The following ZC3H7B variants were observed in gnomAD, a reference collection of about 807,000 sequenced individuals.
ZC3H7B encodes the protein zinc finger CCCH-type containing 7B, also known as zinc finger CCCH domain-containing protein 7B.
A neutral mutation model predicts 116.0 loss-of-function variants in ZC3H7B; 35 were observed. That is an observed-to-expected ratio of 0.30 (90% CI 0.23 to 0.40). The LOEUF is 0.40. ZC3H7B is among the 10% of genes least tolerant of loss of function. The pLI is 1.00. For missense variants in ZC3H7B, 1,011 were observed against 1,321.5 expected (o/e 0.77, Z 3.64); for synonymous variants, 502 against 545.6 (o/e 0.92, Z 1.11).
Position 41,348,114 on chromosome 22 carries a change from C to G in ZC3H7B, c.1713C>G (p.Asp571Glu), listed in dbSNP as rs1239271565. ...KPRIISKGTK[D>E]SPSVCSNLAA... ...GGATCATCAGCAAAGGCACCAAGGA[C>G]TCTCCGTCTGTCTGCTCCAACCTGG... is the stretch of plus-strand genomic sequence containing the variant. The change falls in exon 15 of 23, where the codon GAC becomes GAG. Residue 571 changes from aspartate (D) to glutamate (E), a missense_variant. Coordinates refer to ENST00000352645, the MANE Select transcript of ZC3H7B (RefSeq NM_017590.6). 1 of 1,614,052 alleles carries G rather than the reference C, an allele frequency of 6.2e-7. No homozygotes were observed. The highest frequency in any genetic ancestry group is 8.5e-7 in the Non-Finnish European group (1 of 1,179,978).
At chr22:41,341,355 T>C (rs1339933698) in intron 11 of ZC3H7B, among the ~76,000 whole-genome samples, 2 of 152,176 alleles carry the variant, frequency 1.3e-5, no homozygotes, top group Non-Finnish European at 1.5e-5. Context: ...CCACTGCCCT[T>C]GTCTGATGGA....
chr22:41,321,476 A>T (rs984318309), intron 2 of ZC3H7B, among the ~76,000 whole-genome samples: 1 of 151,796 alleles, frequency 6.6e-6, no homozygotes, highest in Non-Finnish European at 1.5e-5. Context: ...CGGCCTCCCA[A>T]AGTGCTGGGA....
intron 17 of ZC3H7B, among the ~76,000 whole-genome samples, chr22:41,354,410 C>T (rs1286505188): frequency 6.6e-6 from 1 of 152,188 alleles, no homozygotes; most frequent in Non-Finnish European, 1.5e-5. Context: ...TTGTCCAGCA[C>T]CAGGCCAGGG....
Position 41,332,155 on chromosome 22 carries a change from C to G in ZC3H7B, c.526-16C>G. On this transcript the variant is annotated splice_polypyrimidine_tract_variant and intron_variant, in intron 6 of 22. Transcript: ENST00000352645. ...AGAATCTTTACCTCTGCCCACCTCT[C>G]TCCAATCTCTGGCAGGAATTGGAAA... The G allele has an allele frequency of 6.2e-7, 1 of 1,614,062 alleles. No homozygotes were observed. Among genetic ancestry groups the G allele is most frequent in the Non-Finnish European group, 8.5e-7 (1 of 1,179,942 alleles).
In ZC3H7B at chr22:41,356,765, T is replaced by A. The variant is rs1264951064; in HGVS notation, c.2638T>A (p.Trp880Arg). The change falls in exon 22 of 23, where the codon TGG becomes AGG. Residue 880 changes from tryptophan to arginine, a missense_variant. By Grantham distance (101) the Trp-to-Arg change is moderately radical. This residue lies in a region of ZC3H7B where 406 missense variants were observed against 590.2 expected (regional missense o/e 0.69). Coordinates refer to ENST00000352645, the MANE Select transcript of ZC3H7B (RefSeq NM_017590.6). ...VFTSDSDASG[W>R]AFRFPMGEFR... ...CACGTCCGACAGTGACGCCAGCGGC[T>A]GGGCCTTCCGCTTCCCCATGGGCGA... The A allele has an allele frequency of 6.2e-7, 1 of 1,613,484 alleles. No homozygotes were observed. The highest frequency in any genetic ancestry group is 1.3e-5 in the African/African-American group (1 of 74,946).
Position 41,351,738 on chromosome 22 carries a change from G to A in ZC3H7B, c.2034+92G>A. The A allele has an allele frequency of 7.9e-7, 1 of 1,258,774 alleles. No homozygotes were observed. The highest frequency in any genetic ancestry group is 1.1e-6 in the Non-Finnish European group (1 of 894,922). 78.0% of individuals were successfully genotyped at this position (1,258,774 alleles called of 1,614,324 possible). ...GGCTCTAATTTTACAATAGAGAAAT[G>A]TTTACAATGGAGGCACCTCGAATAA... is the stretch of plus-strand genomic sequence containing the variant. On this transcript the variant is annotated intron_variant, in intron 17 of 22. Coordinates refer to ENST00000352645, the MANE Select transcript of ZC3H7B (RefSeq NM_017590.6). This position sits in a 1 kb window ranked among gnomAD's most constrained non-coding sequence, Gnocchi z 5.1.
intron 11 of ZC3H7B, among the ~76,000 whole-genome samples, chr22:41,341,855 A>C (rs986707203): frequency 6.6e-5 from 10 of 152,118 alleles, no homozygotes; most frequent in African/African-American, 2.4e-4. Flanking sequence ...CAAGGTCAGG[A>C]GTTCGAGACC....
chr22:41,302,504 C>T lies in ZC3H7B; in HGVS notation c.-7+732C>T, dbSNP rs1384386554. On this transcript the variant is annotated intron_variant, in intron 1 of 22. Transcript: ENST00000352645. This position sits in a 1 kb window ranked among gnomAD's most constrained non-coding sequence, Gnocchi z 5.7. ...AGGGAGTGCTAGGGGGCTGCGGACCCCGGCTCTGGCGCCTGGGGACGGGGG... is the reference window on the plus strand; with the variant it reads ...AGGGAGTGCTAGGGGGCTGCGGACCTCGGCTCTGGCGCCTGGGGACGGGGG... Among the ~76,000 whole-genome samples the T allele has an allele frequency of 1.3e-5, 2 of 152,080 alleles. No homozygotes were observed. The highest frequency in any genetic ancestry group is 2.4e-5 in the African/African-American group (1 of 41,422).
intron 7 of ZC3H7B, among the ~76,000 whole-genome samples, chr22:41,337,618 T>C (rs1456844572): frequency 6.6e-6 from 1 of 152,114 alleles, no homozygotes; most frequent in Non-Finnish European, 1.5e-5. Context: ...AGGGGGCACT[T>C]TTGTCTTTGA....
In ZC3H7B at chr22:41,342,631, A is replaced by G. The variant is rs1231082561; in HGVS notation, c.1297+3A>G. The G allele has an allele frequency of 6.2e-7, 1 of 1,610,576 alleles. No individual in the cohort carries two copies. The highest frequency in any genetic ancestry group is 8.5e-7 in the Non-Finnish European group (1 of 1,179,128). On this transcript the variant is annotated splice_donor_region_variant and intron_variant, in intron 12 of 22. Transcript: ENST00000352645. ...CCAGCTCTGCTACCCCAAGACAGGT[A>G]AACTTTCACCTGTAGACTCCACCCC...
intron 12 of ZC3H7B, 137 bp from the exon 13 acceptor site, chr22:41,343,278 G>A (rs1447943511): frequency 6.2e-6 from 7 of 1,135,106 alleles, no homozygotes; most frequent in Middle Eastern, 4.9e-4. Flanking sequence ...AGGGTGTGGT[G>A]GGAGCTGGCA....
chr22:41,321,826 A>ATTGTT (rs1601771237), intron 2 of ZC3H7B, among the ~76,000 whole-genome samples: 1 of 76,872 alleles, frequency 1.3e-5, no homozygotes, highest in African/African-American at 6.0e-5. Context: ...CAAAACTCAC[A>ATTGTT]TTCTTTTTTT....
intron 17 of ZC3H7B, 50 bp from the exon 18 acceptor site, chr22:41,355,419 C>T: frequency 6.2e-7 from 1 of 1,606,748 alleles, no homozygotes; most frequent in African/African-American, 1.3e-5. Flanking sequence ...TCCAGGGCCT[C>T]AGGCCTGGTG....
intron 1 of ZC3H7B, among the ~76,000 whole-genome samples, chr22:41,308,481 T>A (rs1398685450): frequency 6.6e-6 from 1 of 152,194 alleles, no homozygotes; most frequent in Non-Finnish European, 1.5e-5. Flanking sequence ...CTGTCGAATC[T>A]GCATCAGGGG....
chr22:41,337,533 C>T (rs1020458569), intron 7 of ZC3H7B, among the ~76,000 whole-genome samples: 2 of 152,188 alleles, frequency 1.3e-5, no homozygotes, highest in Non-Finnish European at 2.9e-5. Context: ...TGGGATCCCA[C>T]CTGGGTTTAT....
rs899452253 is a variant in ZC3H7B at position 41,346,278 on chromosome 22, C to T, written c.1665+70C>T. 3.0e-5 allele frequency: 47 copies of T among 1,542,962 alleles called. No homozygotes were observed. The highest frequency in any genetic ancestry group is 5.4e-5 in the Admixed American group (3 of 55,920). On this transcript the variant is annotated intron_variant, in intron 14 of 22. Transcript: ENST00000352645. The surrounding 1 kb of genome is among the most constrained non-coding windows in gnomAD (Gnocchi z 5.3). Reference sequence around the variant, plus strand: ...ACAGGGCTGGGGATGCTCCCTGGCACGGACCACCATAGGAAGTCAGCCCTG... The same window carrying T: ...ACAGGGCTGGGGATGCTCCCTGGCATGGACCACCATAGGAAGTCAGCCCTG...
At chr22:41,352,482 C>T (rs2036664857) in intron 17 of ZC3H7B, among the ~76,000 whole-genome samples, 1 of 152,114 alleles carries the variant, frequency 6.6e-6, no homozygotes, top group African/African-American at 2.4e-5. Context: ...CTTCAGAGGC[C>T]CGGCGCAGTG....
chr22:41,337,471 G>A (rs1218371866), intron 7 of ZC3H7B, among the ~76,000 whole-genome samples: 4 of 152,246 alleles, frequency 2.6e-5, no homozygotes, highest in African/African-American at 4.8e-5. Flanking sequence ...GGGGAACTTT[G>A]CCCAGGTTGT....
chr22:41,351,671 T>C lies in ZC3H7B; in HGVS notation c.2034+25T>C, dbSNP rs770396969. The C allele has an allele frequency of 1.9e-6, 3 of 1,603,654 alleles. No homozygotes were observed. In the South Asian group the frequency reaches 3.4e-5, roughly 18 times the overall value. On this transcript the variant is annotated intron_variant, in intron 17 of 22. Coordinates refer to ENST00000352645, the MANE Select transcript of ZC3H7B (RefSeq NM_017590.6). This position sits in a 1 kb window ranked among gnomAD's most constrained non-coding sequence, Gnocchi z 5.1. The stretch of plus-strand genomic sequence containing the variant: ...GGTAAGGCCTTCTGATACTATGCCA[T>C]TATTCAGATTTTGTGAATTGTCCCC...
Sources: allele counts gnomAD v4.1 joint callset (sites outside exome capture counted in the v4.1 genomes callset), GRCh38; gene constraint gnomAD v4.1.1; regional missense constraint gnomAD v4.1.1; non-coding constraint Gnocchi (gnomAD v3.1); transcripts MANE v1.5; gene names NCBI Gene and HGNC (gene_info 2026-07-23, HGNC 2026-07-21).